The following ECI1 variants were observed in gnomAD, a reference collection of about 807,000 sequenced individuals.
The protein encoded by ECI1 is enoyl-CoA delta isomerase 1, also known as enoyl-CoA delta isomerase 1, mitochondrial.
Under a neutral mutation model 34.2 loss-of-function variants are expected in ECI1, and 34 were observed. The observed-to-expected ratio is 1.00, with a 90% CI of 0.76 to 1.33. ECI1 has a LOEUF of 1.33. Ranked by LOEUF, ECI1 falls within the 40% of genes most tolerant of loss-of-function variation. ECI1 has a pLI of 0.00. For missense variants in ECI1, 456 were observed against 422.2 expected (o/e 1.08, Z -0.70); for synonymous variants, 211 against 193.0 (o/e 1.09, Z -0.77).
intron 2 of ECI1, among the ~76,000 whole-genome samples, chr16:2,249,407 A>G (rs2093547556): frequency 6.6e-6 from 1 of 152,140 alleles, no homozygotes; most frequent in African/African-American, 2.4e-5. Context: ...CATTGTGAAT[A>G]TACTTACGGC....
At chr16:2,240,275 G>T (rs1219587750) in intron 6 of ECI1, 130 bp from the exon 7 acceptor site, 4 of 1,008,904 alleles carry the variant, frequency 4.0e-6, no homozygotes, top group African/African-American at 1.6e-5. Context: ...GCAATGGTGG[G>T]ATCTTGGCTC....
At chr16:2,247,058 A>C in intron 2 of ECI1, 72 bp from the exon 3 acceptor site, 1 of 1,562,180 alleles carries the variant, frequency 6.4e-7, no homozygotes, top group Non-Finnish European at 8.7e-7. Flanking sequence ...CTGCACCCTC[A>C]ACTAAGCCAT....
intron 6 of ECI1, 123 bp downstream of exon 6, chr16:2,242,923 A>T: frequency 1.3e-6 from 1 of 791,516 alleles, no homozygotes; most frequent in Non-Finnish European, 2.1e-6. Context: ...CAGCCTCCTG[A>T]CACCCACATG....
chr16:2,240,112 C>T lies in ECI1; in HGVS notation c.776G>A (p.Arg259Gln), dbSNP rs779273100. 174 of 1,613,752 alleles carry T rather than the reference C, an allele frequency of 1.1e-4. No homozygotes were observed. The highest frequency in any genetic ancestry group is 1.7e-4 in the Admixed American group (10 of 60,000). Reference protein sequence around the residue: ...HARQLTKAMMRKATASRLVTQ... With the variant: ...HARQLTKAMMQKATASRLVTQ... ...GACCAGGCGGCTGGCCGTGGCCTTT[C>T]GCATCATGGCCTTGGTCAGCTGTCG... is the stretch of plus-strand genomic sequence containing the variant. The change falls in exon 7 of 7, where the codon CGA (arginine) becomes CAA (glutamine). Residue 259 changes from arginine (R) to glutamine (Q), a missense_variant. Coordinates refer to ENST00000301729, the MANE Select transcript of ECI1 (RefSeq NM_001919.4).
At position 2,239,844 on chromosome 16, in the gene ECI1, G is replaced by A; in HGVS notation, c.*135C>T. On this transcript the variant is annotated 3_prime_UTR_variant, in exon 7 of 7. Coordinates refer to ENST00000301729, the MANE Select transcript of ECI1 (RefSeq NM_001919.4). ...GCTGGGCCTTGGGCCACTGGGCTAT[G>A]AGGAACAGGAACTTCTACGTAACAT... is the stretch of plus-strand genomic sequence containing the variant. 3.1e-6 allele frequency: 3 copies of A among 982,288 alleles called. No homozygotes were observed. Among genetic ancestry groups the A allele is most frequent in the Non-Finnish European group, 4.8e-6 (3 of 624,940 alleles). The allele number at this position is 982,288 out of a possible 1,614,324, so 60.8% of individuals were successfully genotyped here. A position where few individuals can be genotyped will look rare whatever the true frequency, so the allele number is the denominator to read the frequency against.
chr16:2,247,865 C>A (rs188898963), intron 2 of ECI1, among the ~76,000 whole-genome samples: 17 of 152,204 alleles, frequency 1.1e-4, no homozygotes, highest in African/African-American at 4.1e-4. Flanking sequence ...CGCCACCACA[C>A]CCAGTTAATC....
At chr16:2,250,866 A>G (rs8046268) in intron 2 of ECI1, among the ~76,000 whole-genome samples, 2,198 of 152,262 alleles carry the variant, frequency 0.014, 54 homozygotes, top group East Asian at 0.095. Flanking sequence ...CTGTGGCCCA[A>G]GCTGGAGTGC....
At chr16:2,246,364 T>C (rs1342837668) in intron 3 of ECI1, among the ~76,000 whole-genome samples, 1 of 152,124 alleles carries the variant, frequency 6.6e-6, no homozygotes, top group Non-Finnish European at 1.5e-5. Flanking sequence ...GTGATCCTAG[T>C]GGGGAGCACT....
chr16:2,240,084 C>T lies in ECI1; in HGVS notation c.804G>A (p.Thr268=), dbSNP rs150299252. 79 of 1,613,954 alleles carry T rather than the reference C, an allele frequency of 4.9e-5. No individual in the cohort carries two copies. The African/African-American group carries it at 6.7e-4, about 14-fold the overall frequency. ...AGTTCTGCACGTCCGCATCGCGCTG[C>T]GTGACCAGGCGGCTGGCCGTGGCCT... The part of the protein sequence containing the change: ...MRKATASRLV[T]QRDADVQNFV... The change falls in exon 7 of 7, where the codon ACG becomes ACA. Residue 268 remains threonine, a synonymous_variant. Transcript: ENST00000301729.
chr16:2,245,239 G>A (rs1236587269), intron 3 of ECI1, among the ~76,000 whole-genome samples: 1 of 152,204 alleles, frequency 6.6e-6, no homozygotes, highest in East Asian at 1.9e-4. Flanking sequence ...GCACAACACG[G>A]CACGTTTTCC....
intron 6 of ECI1, chr16:2,242,734 G>A (rs761114782): frequency 9.0e-5 from 41 of 454,396 alleles, no homozygotes; most frequent in East Asian, 6.1e-4. Context: ...AGAGCGAGGC[G>A]CCCACAAGCC....
rs1596781785 is a variant in ECI1 at position 2,239,894 on chromosome 16, C to A, written c.*85G>T. ...TCAGCAAAATGAAACGCTGGCAGTA[C>A]TTTTAAGTTGAAAAATACCTTGTTT... On this transcript the variant is annotated 3_prime_UTR_variant, in exon 7 of 7. Transcript: ENST00000301729. 2.1e-6 allele frequency: 3 copies of A among 1,440,698 alleles called. No homozygotes were observed. Among genetic ancestry groups the A allele is most frequent in the East Asian group, 4.5e-5 (2 of 44,026 alleles). 89.2% of individuals were successfully genotyped at this position (1,440,698 alleles called of 1,614,324 possible).
rs140363778 is a variant in ECI1 at position 2,240,080 on chromosome 16, G to A, written c.808C>T (p.Arg270Cys). ...KATASRLVTQ[R>C]DADVQNFVSF... ...ACGAAGTTCTGCACGTCCGCATCGC[G>A]CTGCGTGACCAGGCGGCTGGCCGTG... The change falls in exon 7 of 7, where the codon CGC becomes TGC. Residue 270 changes from arginine to cysteine, a missense_variant. Coordinates refer to ENST00000301729, the MANE Select transcript of ECI1 (RefSeq NM_001919.4). 77 of 1,613,976 alleles carry A rather than the reference G, an allele frequency of 4.8e-5. No individual in the cohort carries two copies. The highest frequency in any genetic ancestry group is 2.4e-4 in the South Asian group (22 of 91,088).
intron 2 of ECI1, among the ~76,000 whole-genome samples, chr16:2,250,157 G>A (rs1349484144): frequency 1.4e-4 from 21 of 149,074 alleles, no homozygotes. Flanking sequence ...TATTTGGGAG[G>A]CTGAGGAGGG....
chr16:2,242,827 C>T (rs1279448345), intron 6 of ECI1: 12 of 601,100 alleles, frequency 2.0e-5, no homozygotes, highest in African/African-American at 3.7e-5. Context: ...GTCCTGCCCA[C>T]ACTTTGATTT....
Position 2,239,631 on chromosome 16 carries a change from G to T in ECI1, c.*348C>A, listed in dbSNP as rs925330233. On this transcript the variant is annotated 3_prime_UTR_variant, in exon 7 of 7. Transcript: ENST00000301729. ...CACCTGGCCTTACACCTAAGAGCAG[G>T]CAGTCCAAAGGCCAGAATGGATGAC... 4 of 368,984 alleles carry T rather than the reference G, an allele frequency of 1.1e-5. 1 individual carries two copies. The Admixed American group carries it at 1.5e-4, about 14-fold the overall frequency. The allele number at this position is 368,984 out of a possible 1,614,324, so 22.9% of individuals were successfully genotyped here.
chr16:2,241,567 G>A (rs2093528242), intron 6 of ECI1: 2 of 152,306 alleles, frequency 1.3e-5, no homozygotes, highest in African/African-American at 4.8e-5. Context: ...AAAGTGCTGG[G>A]ATTACAGGCT....
At chr16:2,241,132 G>GC (rs918712818) in intron 6 of ECI1, 1 of 147,944 alleles carries the variant, frequency 6.8e-6, no homozygotes, top group African/African-American at 2.5e-5. Context: ...TCCAGCCTGA[G>GC]CAAGAGGGAG....
chr16:2,245,351 C>T (rs1048209857), intron 3 of ECI1, among the ~76,000 whole-genome samples: 9 of 152,212 alleles, frequency 5.9e-5, no homozygotes, highest in African/African-American at 1.4e-4. Context: ...ATGTTTACCC[C>T]GCCCTGTCTG....
Sources: allele counts gnomAD v4.1 joint callset (sites outside exome capture counted in the v4.1 genomes callset), GRCh38; gene constraint gnomAD v4.1.1; transcripts MANE v1.5; gene names NCBI Gene and HGNC (gene_info 2026-07-23, HGNC 2026-07-21).